EFCAB7: variants seen among roughly 807,000 people sequenced by gnomAD.
EFCAB7 encodes EF-hand calcium binding domain 7.
EFCAB7 carries 66 observed loss-of-function variants against 77.1 expected under a neutral mutation model. The observed-to-expected ratio is 0.86, with a 90% CI of 0.70 to 1.05. The LOEUF is 1.05. Among genes scored for constraint, EFCAB7 ranks in the 50% least tolerant of loss-of-function variants. EFCAB7 has a pLI of 0.00. For missense variants in EFCAB7, 638 were observed against 730.5 expected (o/e 0.87, Z 1.46); for synonymous variants, 225 against 243.3 (o/e 0.92, Z 0.70).
At chr1:63,578,476 C>T in the EFCAB7 span, among the ~76,000 whole-genome samples, 7 of 147,900 alleles carry the variant, frequency 4.7e-5, no homozygotes, top group African/African-American at 1.8e-4. Flanking sequence ...CAGTCTCGCT[C>T]TGTCATCCAG....
intron 11 of EFCAB7, among the ~76,000 whole-genome samples, chr1:63,566,457 AC>A (rs1317754221): frequency 1.3e-5 from 2 of 152,196 alleles, no homozygotes; most frequent in African/African-American, 4.8e-5. Flanking sequence ...ACACACGTTT[AC>A]CTGTGTAACA....
rs1647085921 is a variant in EFCAB7 at position 63,560,580 on chromosome 1, G to C, written c.1349-1129G>C. On this transcript the variant is annotated intron_variant, in intron 10 of 13. Coordinates refer to ENST00000371088, the MANE Select transcript of EFCAB7 (RefSeq NM_032437.4). Reference sequence around the variant, plus strand: ...CACCCAGGCTGTAGTACAGTGGCACGATCTCAGCTCACTGCAACCTCCGCC... The same window carrying C: ...CACCCAGGCTGTAGTACAGTGGCACCATCTCAGCTCACTGCAACCTCCGCC... 2.2e-5 allele frequency among the ~76,000 whole-genome samples: 3 copies of C among 138,264 alleles called. No homozygotes were observed. In the South Asian group the frequency reaches 6.9e-4, roughly 32 times the overall value. 90.7% of individuals were successfully genotyped at this position (138,264 alleles called of 152,430 possible). A position where few individuals can be genotyped will look rare whatever the true frequency, so the allele number is the denominator to read the frequency against.
Position 63,556,888 on chromosome 1 carries a change from AT to A in EFCAB7, c.1215-224del, listed in dbSNP as rs1193263748. Among the ~76,000 whole-genome samples the A allele has an allele frequency of 1.8e-4, 27 of 148,666 alleles. No homozygotes were observed. The Admixed American group carries it at 1.8e-3, about 10-fold the overall frequency. ...ACTAAAAATACAAAAAAAAAAAAAA[AT>A]TAGCCAGGTGTGGTGGCGGGCGCCT... On this transcript the variant is annotated intron_variant, in intron 9 of 13. Coordinates refer to ENST00000371088, the MANE Select transcript of EFCAB7 (RefSeq NM_032437.4).
At chr1:63,525,831 T>C in intron 2 of EFCAB7, 72 bp downstream of exon 2, 1 of 1,045,542 alleles carries the variant, frequency 9.6e-7, no homozygotes. Context: ...AAGACTGAAA[T>C]TAGAATTACC....
At chr1:63,559,911 G>C (rs1647075213) in intron 10 of EFCAB7, among the ~76,000 whole-genome samples, 1 of 151,824 alleles carries the variant, frequency 6.6e-6, no homozygotes, top group African/African-American at 2.4e-5. Context: ...TTACCACACT[G>C]TCTTGATTGC....
intron 7 of EFCAB7, chr1:63,548,501 C>G (rs1646926378): frequency 6.6e-6 from 1 of 152,034 alleles, no homozygotes; most frequent in Non-Finnish European, 1.5e-5. Flanking sequence ...GCTTGGGGTT[C>G]TCTGAGCTTC....
chr1:63,585,236 G>A, the EFCAB7 span, among the ~76,000 whole-genome samples: 1 of 151,534 alleles, frequency 6.6e-6, no homozygotes. Context: ...TTGGTAGTTT[G>A]TAGTTTTTGA....
At chr1:63,576,872 G>A (rs924342500), downstream of EFCAB7, among the ~76,000 whole-genome samples, 5 of 149,980 alleles carry the variant, frequency 3.3e-5, no homozygotes, top group Non-Finnish European at 5.9e-5. Context: ...GCTCTTGGCC[G>A]GGTGCTGTGT....
Position 63,532,006 on chromosome 1 carries a change from C to G in EFCAB7, c.374C>G (p.Thr125Ser). 6.2e-7 allele frequency: 1 copy of G among 1,609,798 alleles called. No individual in the cohort carries two copies. Among genetic ancestry groups the G allele is most frequent in the Non-Finnish European group, 8.5e-7 (1 of 1,177,454 alleles). The change falls in exon 3 of 14, where the codon ACT becomes AGT. Residue 125 changes from threonine (T) to serine (S), a missense_variant. Physicochemically the swap from Thr to Ser is moderately conservative, Grantham distance 58. Coordinates refer to ENST00000371088, the MANE Select transcript of EFCAB7 (RefSeq NM_032437.4). Reference sequence around the variant, plus strand: ...AATGATGATGGCTGTATTTTACACACTGACCTTTATAAATTTCTAACAAAG... The same window carrying G: ...AATGATGATGGCTGTATTTTACACAGTGACCTTTATAAATTTCTAACAAAG... ...DVNDDGCILH[T>S]DLYKFLTKRG... is the part of the protein sequence containing the mutation.
At position 63,533,616 on chromosome 1, in the gene EFCAB7, A is replaced by G. The variant is rs568542683; in HGVS notation, c.649A>G (p.Arg217Gly). Reference sequence around the variant, plus strand: ...ACCAAAACCATCACCTAAAATCACAAGAAAAACTGATCCAGAAACATTCTT... The same window carrying G: ...ACCAAAACCATCACCTAAAATCACAGGAAAAACTGATCCAGAAACATTCTT... The part of the protein sequence containing the change: ...PVPKPSPKIT[R>G]KTDPETFLNK... The change falls in exon 5 of 14, where the codon AGA becomes GGA. Residue 217 changes from arginine (R) to glycine (G), a missense_variant. Coordinates refer to ENST00000371088, the MANE Select transcript of EFCAB7 (RefSeq NM_032437.4). 2.0e-5 allele frequency: 31 copies of G among 1,582,764 alleles called. 1 individual carries two copies. The South Asian group carries it at 3.5e-4, about 18-fold the overall frequency.
chr1:63,580,046 T>C, the EFCAB7 span, among the ~76,000 whole-genome samples: 7 of 152,306 alleles, frequency 4.6e-5, no homozygotes, highest in South Asian at 1.2e-3. Context: ...CTGGATCGTA[T>C]AGAGAGTGAA....
chr1:63,567,336 G>A (rs562617905), intron 11 of EFCAB7, among the ~76,000 whole-genome samples: 10 of 151,864 alleles, frequency 6.6e-5, no homozygotes, highest in African/African-American at 1.4e-4. Flanking sequence ...ACCTGTAATC[G>A]CAGCTACTTG....
intron 6 of EFCAB7, among the ~76,000 whole-genome samples, chr1:63,537,931 T>C (rs1646782149): frequency 6.6e-6 from 1 of 152,186 alleles, no homozygotes; most frequent in Non-Finnish European, 1.5e-5. Context: ...AACAAATCAT[T>C]TTCATTCACT....
chr1:63,540,460 G>A (rs771638586), intron 6 of EFCAB7, among the ~76,000 whole-genome samples: 1 of 149,866 alleles, frequency 6.7e-6, no homozygotes. Context: ...ATTTGAATTC[G>A]TACCCTGAGT....
At chr1:63,566,529 A>G (rs1036683510) in intron 11 of EFCAB7, among the ~76,000 whole-genome samples, 1 of 152,192 alleles carries the variant, frequency 6.6e-6, no homozygotes, top group Admixed American at 6.5e-5. Flanking sequence ...ATTAGAGAAT[A>G]TGTTTTAACA....
chr1:63,556,755 G>T (rs1394436803), intron 9 of EFCAB7, among the ~76,000 whole-genome samples: 1 of 151,720 alleles, frequency 6.6e-6, no homozygotes, highest in African/African-American at 2.4e-5. Flanking sequence ...AGGCGCGGTG[G>T]TTCACGCCTG....
chr1:63,584,541 G>A, the EFCAB7 span, among the ~76,000 whole-genome samples: 8 of 152,274 alleles, frequency 5.3e-5, no homozygotes, highest in Admixed American at 2.6e-4. Flanking sequence ...AATGGAGCAA[G>A]ATCTTGTCTT....
downstream of EFCAB7, among the ~76,000 whole-genome samples, chr1:63,575,697 T>A (rs975476357): frequency 6.6e-6 from 1 of 152,016 alleles, no homozygotes; most frequent in Non-Finnish European, 1.5e-5. Flanking sequence ...GATTCTTCCA[T>A]CTCAGCCTTC....
At position 63,532,839 on chromosome 1, in the gene EFCAB7, T is replaced by C; in HGVS notation, c.486+83T>C. 5.5e-6 allele frequency: 6 copies of C among 1,094,074 alleles called. No homozygotes were observed. In the South Asian group the frequency reaches 8.4e-5, roughly 15 times the overall value. 67.8% of individuals were successfully genotyped at this position (1,094,074 alleles called of 1,614,324 possible). A position where few individuals can be genotyped will look rare whatever the true frequency, so the allele number is the denominator to read the frequency against. On this transcript the variant is annotated intron_variant, in intron 4 of 13. Transcript: ENST00000371088. ...TTTCCCCAGCTTTATTAAGGTATAATTGACATTACAGTGTACATGCAATGT... is the reference window on the plus strand; with the variant it reads ...TTTCCCCAGCTTTATTAAGGTATAACTGACATTACAGTGTACATGCAATGT...
Sources: allele counts gnomAD v4.1 joint callset (sites outside exome capture counted in the v4.1 genomes callset), GRCh38; gene constraint gnomAD v4.1.1; transcripts MANE v1.5; gene names NCBI Gene and HGNC (gene_info 2026-07-23, HGNC 2026-07-21).